Variants in IRAK2 observed in about 807,000 individuals in gnomAD.
IRAK2 encodes the protein interleukin 1 receptor associated kinase 2.
IRAK2 carries 57 observed loss-of-function variants against 72.0 expected under a neutral mutation model. That is an observed-to-expected ratio of 0.79 (90% CI 0.64 to 0.99). IRAK2 has a LOEUF of 0.99. Ranked by LOEUF, IRAK2 falls within the 50% of genes least tolerant of loss-of-function variation. The pLI is 0.00. For synonymous variants in IRAK2, 293 were observed against 312.7 expected, an observed-to-expected ratio of 0.94 and a Z score of 0.67; for missense variants, 790 against 794.4, an observed-to-expected ratio of 0.99 and a Z score of 0.07.
intron 12 of IRAK2, 30 bp from the exon 13 acceptor site, chr3:10,242,086 C>T (rs778763757): frequency 7.9e-6 from 10 of 1,263,804 alleles, no homozygotes; most frequent in Admixed American, 7.2e-5. Flanking sequence ...TCATTCAAGT[C>T]GCTCTTGTTT....
chr3:10,195,947 C>T (rs569507616), intron 2 of IRAK2, among the ~76,000 whole-genome samples: 1 of 152,154 alleles, frequency 6.6e-6, no homozygotes, highest in South Asian at 2.1e-4. Context: ...AGAGGGGAGG[C>T]TGGGAAAGAT....
chr3:10,182,758 C>T (rs1281601234), intron 2 of IRAK2, among the ~76,000 whole-genome samples: 3 of 151,604 alleles, frequency 2.0e-5, no homozygotes. Context: ...GTAGTTCAAA[C>T]AGATGCCCAC....
rs1698087874 is a variant in IRAK2, at chr3:10,243,177, G to A, written c.*949G>A. The A allele has an allele frequency of 6.6e-6, 1 of 152,166 alleles. No individual in the cohort carries two copies. Among genetic ancestry groups the A allele is most frequent in the East Asian group, 1.9e-4 (1 of 5,206 alleles). The allele number at this position is 152,166 out of a possible 1,614,324, so 9.4% of individuals were successfully genotyped here. ...AGCCTCCTGAGTAGATGGGACTGTAGGCACCTGCCACTATGCCTGGCTAAT... is the reference window on the plus strand; with the variant it reads ...AGCCTCCTGAGTAGATGGGACTGTAAGCACCTGCCACTATGCCTGGCTAAT... On this transcript the variant is annotated 3_prime_UTR_variant, in exon 13 of 13. Coordinates refer to ENST00000256458, the MANE Select transcript of IRAK2 (RefSeq NM_001570.4).
chr3:10,191,303 A>AG (rs1215542951), intron 2 of IRAK2, among the ~76,000 whole-genome samples: 1 of 151,536 alleles, frequency 6.6e-6, no homozygotes. Context: ...TCAAAAAAAA[A>AG]AAAATCCACT....
chr3:10,219,685 C>T lies in IRAK2; in HGVS notation c.909C>T (p.Gly303=). ...SLQDRLQGQG[G]SDPLPWPQRV... The stretch of plus-strand genomic sequence containing the variant: ...CCTGCTTTTCTTTCTCTTAGGGTGG[C>T]TCGGACCCCCTCCCCTGGCCCCAGC... Residue 303 remains glycine (G), a synonymous_variant, in exon 8 of 13, where the codon GGC becomes GGT. Transcript: ENST00000256458. 1.2e-6 allele frequency: 2 copies of T among 1,613,030 alleles called. No homozygotes were observed. Among genetic ancestry groups the T allele is most frequent in the African/African-American group, 2.7e-5 (2 of 75,008 alleles).
intron 11 of IRAK2, 22 bp from the exon 12 acceptor site, chr3:10,238,726 C>T: frequency 6.2e-7 from 1 of 1,607,842 alleles, no homozygotes; most frequent in Non-Finnish European, 8.5e-7. Context: ...TGATGAGCTC[C>T]CTTCTCTCTC....
At chr3:10,222,604 T>G in intron 8 of IRAK2, 32 bp from the exon 9 acceptor site, 5 of 1,585,646 alleles carry the variant, frequency 3.2e-6, no homozygotes, top group South Asian at 2.2e-5. Context: ...CAGCTCAAAA[T>G]GAGAAGGTTC....
intron 1 of IRAK2, among the ~76,000 whole-genome samples, chr3:10,166,765 C>T (rs1313193110): frequency 2.0e-5 from 3 of 152,224 alleles, no homozygotes; most frequent in Non-Finnish European, 4.4e-5. Flanking sequence ...TTGCCTCAGC[C>T]TCCCGAGTAG....
intron 10 of IRAK2, among the ~76,000 whole-genome samples, chr3:10,231,062 T>TA (rs1228626718): frequency 3.3e-5 from 5 of 152,194 alleles, no homozygotes; most frequent in Admixed American, 2.6e-4. Flanking sequence ...AGCTAATTTT[T>TA]AATTTGTTAT....
intron 2 of IRAK2, among the ~76,000 whole-genome samples, chr3:10,180,282 T>C (rs1212905203): frequency 6.6e-6 from 1 of 152,170 alleles, no homozygotes; most frequent in Admixed American, 6.5e-5. Context: ...TGCCTGGTTC[T>C]GCCCTAGGTT....
rs1490431588 is a variant in IRAK2, at chr3:10,242,950, C to G, written c.*722C>G. On this transcript the variant is annotated 3_prime_UTR_variant, in exon 13 of 13. Coordinates refer to ENST00000256458, the MANE Select transcript of IRAK2 (RefSeq NM_001570.4). ...AAATCTTGCAATTCACATAATTATT[C>G]AGTCACTGCCTGGTACCTTTATCTT... 2.6e-5 allele frequency: 4 copies of G among 152,246 alleles called. No individual in the cohort carries two copies. The highest frequency in any genetic ancestry group is 9.6e-5 in the African/African-American group (4 of 41,460). The allele number at this position is 152,246 out of a possible 1,614,324, so 9.4% of individuals were successfully genotyped here. A position where few individuals can be genotyped will look rare whatever the true frequency, so the allele number is the denominator to read the frequency against.
chr3:10,219,936 G>GT (rs1485881515), intron 8 of IRAK2, 147 bp downstream of exon 8: 2 of 636,264 alleles, frequency 3.1e-6, no homozygotes, highest in Non-Finnish European at 2.8e-6. Flanking sequence ...TCCCCTGGAT[G>GT]TCTTTTTCTC....
intron 3 of IRAK2, among the ~76,000 whole-genome samples, chr3:10,202,035 A>G (rs545085864): frequency 6.6e-6 from 1 of 152,330 alleles, no homozygotes; most frequent in South Asian, 2.1e-4. Flanking sequence ...GTGTTGCACC[A>G]TGGAGGTGCT....
Position 10,219,818 on chromosome 3 carries a change from G to T in IRAK2, c.1013+29G>T, listed in dbSNP as rs770463347. ...AGAGAGGTGGGCTGGACCCTGCTGG[G>T]GCCTGGGCTGCAAGGGTGGAACTGG... On this transcript the variant is annotated intron_variant, in intron 8 of 12. Coordinates refer to ENST00000256458, the MANE Select transcript of IRAK2 (RefSeq NM_001570.4). 34 of 1,503,956 alleles carry T rather than the reference G, an allele frequency of 2.3e-5. No individual in the cohort carries two copies. The Admixed American group carries it at 5.7e-4, about 25-fold the overall frequency. The allele number at this position is 1,503,956 out of a possible 1,614,324, so 93.2% of individuals were successfully genotyped here.
intron 11 of IRAK2, among the ~76,000 whole-genome samples, chr3:10,236,310 G>A (rs1697957686): frequency 1.3e-5 from 2 of 149,162 alleles, no homozygotes; most frequent in African/African-American, 2.5e-5. Flanking sequence ...AGGCTTTGTA[G>A]GCACAGTAAG....
chr3:10,169,084 C>A (rs536821193), intron 1 of IRAK2, among the ~76,000 whole-genome samples: 37 of 152,040 alleles, frequency 2.4e-4, no homozygotes, highest in Admixed American at 6.6e-4. Context: ...TGATGGTGAC[C>A]CCGAGCCACA....
chr3:10,178,046 G>A (rs193033943), intron 2 of IRAK2, 26 bp downstream of exon 2: 1 of 1,560,872 alleles, frequency 6.4e-7, no homozygotes, highest in Non-Finnish European at 8.7e-7. Context: ...CCCTCCTTGA[G>A]TGGGGCCCAT....
chr3:10,209,254 T>G (rs1697481944), intron 3 of IRAK2, among the ~76,000 whole-genome samples: 1 of 152,162 alleles, frequency 6.6e-6, no homozygotes, highest in South Asian at 2.1e-4. Flanking sequence ...GGTGAGATAG[T>G]GCAGGGCCTA....
chr3:10,235,392 G>C (rs1008356160), intron 11 of IRAK2, among the ~76,000 whole-genome samples: 3 of 151,940 alleles, frequency 2.0e-5, no homozygotes, highest in Non-Finnish European at 4.4e-5. Context: ...TCGCCTCCCG[G>C]GTTCAAGTAA....
Sources: gnomAD v4.1 joint callset for allele counts (sites outside exome capture counted in the v4.1 genomes callset) on GRCh38, gnomAD v4.1.1 for gene constraint, MANE v1.5 for transcripts, NCBI Gene and HGNC (gene_info 2026-07-23, HGNC 2026-07-21) for gene names.